CAPN2: variants seen among roughly 807,000 people sequenced by gnomAD.
CAPN2 encodes the protein calpain-2 catalytic subunit.
Under a neutral mutation model 102.3 loss-of-function variants are expected in CAPN2, and 92 were observed. The observed-to-expected ratio is 0.90, with a 90% confidence interval of 0.76 to 1.07. CAPN2 has a LOEUF of 1.07. CAPN2 is among the 50% of genes least tolerant of loss of function. The pLI is 0.00. For synonymous variants in CAPN2, 340 were observed against 355.4 expected (o/e 0.96, Z 0.49); for missense variants, 800 against 909.4 (o/e 0.88, Z 1.55).
intron 8 of CAPN2, 116 bp downstream of exon 8, chr1:223,752,187 C>A: frequency 1.5e-6 from 1 of 687,136 alleles, no homozygotes; most frequent in Non-Finnish European, 2.5e-6. Context: ...AGGACACAAG[C>A]GTGTGGGATC....
At chr1:223,705,388 G>A (rs760995635) in intron 1 of CAPN2, among the ~76,000 whole-genome samples, 5 of 152,196 alleles carry the variant, frequency 3.3e-5, no homozygotes, top group Non-Finnish European at 7.3e-5. Context: ...CTACATCCTC[G>A]GAAGACTGAG....
At chr1:223,705,699 A>T (rs891100852) in intron 1 of CAPN2, among the ~76,000 whole-genome samples, 1 of 152,174 alleles carries the variant, frequency 6.6e-6, no homozygotes, top group Non-Finnish European at 1.5e-5. Context: ...TGGAGTGGAG[A>T]AAAGCATGCT....
chr1:223,717,307 A>G (rs1659903533), intron 1 of CAPN2, among the ~76,000 whole-genome samples: 3 of 152,202 alleles, frequency 2.0e-5, no homozygotes, highest in Non-Finnish European at 2.9e-5. Flanking sequence ...GCCTCAAGGT[A>G]TGATGCAATA....
rs1007347278 is a variant in CAPN2 at position 223,726,574 on chromosome 1, T to C, written c.307+8743T>C. On this transcript the variant is annotated intron_variant, in intron 2 of 20. Coordinates refer to ENST00000295006, the MANE Select transcript of CAPN2 (RefSeq NM_001748.5). The surrounding 1 kb of genome is among the most constrained non-coding windows in gnomAD (Gnocchi z 4.4). ...CCCCAGCACCCTCGCCTCCCTCCCA[T>C]CCTCCCTTTTAGGGCCTCCCTTCTG... is the stretch of plus-strand genomic sequence containing the variant. Among the ~76,000 whole-genome samples, 1 of 151,958 alleles carries C rather than the reference T, an allele frequency of 6.6e-6. No individual in the cohort carries two copies. Among genetic ancestry groups the C allele is most frequent in the African/African-American group, 2.4e-5 (1 of 41,374 alleles).
At chr1:223,746,053 C>CA (rs1343518466) in intron 4 of CAPN2, among the ~76,000 whole-genome samples, 1 of 152,216 alleles carries the variant, frequency 6.6e-6, no homozygotes, top group Non-Finnish European at 1.5e-5. Context: ...AAGCCCCACA[C>CA]CAGCCCCTCT....
chr1:223,735,650 G>A (rs532188954), intron 2 of CAPN2, among the ~76,000 whole-genome samples: 243 of 152,120 alleles, frequency 1.6e-3, no homozygotes, highest in African/African-American at 5.6e-3. Context: ...TTTCTGGTTT[G>A]AGAACCACCT....
chr1:223,730,948 A>G (rs950021696), intron 2 of CAPN2, among the ~76,000 whole-genome samples: 3 of 152,214 alleles, frequency 2.0e-5, no homozygotes, highest in African/African-American at 7.2e-5. Flanking sequence ...CTTGTATCTA[A>G]TCCACTTTGG....
At position 223,762,190 on chromosome 1, in the gene CAPN2, A is replaced by G; in HGVS notation, c.1571A>G (p.Asp524Gly). 1 of 1,613,628 alleles carries G rather than the reference A, an allele frequency of 6.2e-7. No individual in the cohort carries two copies. The change falls in exon 14 of 21, where the codon GAC becomes GGC. Residue 524 changes from aspartate (D) to glycine (G), a missense_variant. Transcript: ENST00000295006. ...DEIEANLEEF[D>G]ISEDDIDDGF... is the part of the protein sequence containing the mutation. ...TGTCTCTGCCTCACCTTCCAGTTCG[A>G]CATCAGCGAGGATGACATTGATGAT...
intron 18 of CAPN2, 167 bp downstream of exon 18, chr1:223,770,692 T>C: frequency 1.9e-6 from 1 of 518,294 alleles, no homozygotes. Context: ...GACTAATTGG[T>C]AAAATTAAAT....
In CAPN2 at chr1:223,743,962, TG is replaced by T. The variant is rs1438766922; in HGVS notation, c.308-133del. The T allele has an allele frequency of 4.4e-6, 3 of 682,914 alleles. No individual in the cohort carries two copies. The East Asian group carries it at 7.4e-5, about 17-fold the overall frequency. The allele number at this position is 682,914 out of a possible 1,614,324, so 42.3% of individuals were successfully genotyped here. A position where few individuals can be genotyped will look rare whatever the true frequency, so the allele number is the denominator to read the frequency against. On this transcript the variant is annotated intron_variant, in intron 2 of 20. Coordinates refer to ENST00000295006, the MANE Select transcript of CAPN2 (RefSeq NM_001748.5). Reference sequence around the variant, plus strand: ...CAAACCCTCTGACCCAACCCTCATATGGGGGACTGCCTGAAACTTCACTCTG... The same window carrying T: ...CAAACCCTCTGACCCAACCCTCATATGGGGACTGCCTGAAACTTCACTCTG...
intron 3 of CAPN2, 41 bp downstream of exon 3, chr1:223,744,259 AG>A (rs1167009921): frequency 1.6e-6 from 2 of 1,278,002 alleles, no homozygotes; most frequent in East Asian, 2.3e-5. Flanking sequence ...CAACAGGTCC[AG>A]GGGGCTAGGA....
chr1:223,751,498 TG>T (rs1018061413), intron 7 of CAPN2, among the ~76,000 whole-genome samples: 11 of 152,184 alleles, frequency 7.2e-5, no homozygotes, highest in African/African-American at 2.7e-4. Flanking sequence ...TACAGAGGCC[TG>T]TGTGTAATTC....
intron 2 of CAPN2, among the ~76,000 whole-genome samples, chr1:223,721,715 A>G (rs1660055618): frequency 6.6e-6 from 1 of 152,184 alleles, no homozygotes; most frequent in Non-Finnish European, 1.5e-5. Context: ...GGACAAGACC[A>G]ATGGGAAAGG....
At position 223,725,312 on chromosome 1, in the gene CAPN2, G is replaced by T. The variant is rs139447770; in HGVS notation, c.307+7481G>T. ...GCAGGAGAATCGCTTGAACCTGAGA[G>T]GTGGAGGTTGCAGTGAGCCATGATC... On this transcript the variant is annotated intron_variant, in intron 2 of 20. Coordinates refer to ENST00000295006, the MANE Select transcript of CAPN2 (RefSeq NM_001748.5). This position sits in a 1 kb window ranked among gnomAD's most constrained non-coding sequence, Gnocchi z 4.1. Among the ~76,000 whole-genome samples the T allele has an allele frequency of 7.7e-3, 1,178 of 152,174 alleles. 19 individuals are homozygous for T. Among genetic ancestry groups the T allele is most frequent in the African/African-American group, 0.027 (1,119 of 41,488 alleles).
At chr1:223,772,902 T>G (rs1661520496) in intron 20 of CAPN2, 1 of 152,222 alleles carries the variant, frequency 6.6e-6, no homozygotes, top group African/African-American at 2.4e-5. Context: ...TGGGGTATAC[T>G]TCCATTATCA....
At position 223,766,367 on chromosome 1, in the gene CAPN2, G is replaced by T. The variant is rs1230977206; in HGVS notation, c.1691G>T (p.Arg564Leu). 1 of 1,612,894 alleles carries T rather than the reference G, an allele frequency of 6.2e-7. No individual in the cohort carries two copies. Among genetic ancestry groups the T allele is most frequent in the Non-Finnish European group, 8.5e-7 (1 of 1,179,034 alleles). Reference sequence around the variant, plus strand: ...CTGTCACACTGATTTTGTCTTTTAGGCCAAGATATCAAGTCAGATGGCTTC... The same window carrying T: ...CTGTCACACTGATTTTGTCTTTTAGTCCAAGATATCAAGTCAGATGGCTTC... Reference protein sequence around the residue: ...QTILRRVLAKRQDIKSDGFSI... With the variant: ...QTILRRVLAKLQDIKSDGFSI... Residue 564 changes from arginine (R) to leucine (L), a missense_variant and splice_region_variant, in exon 16 of 21, where the codon CGC (arginine) becomes CTC (leucine). Arg to Leu is a moderately radical substitution (Grantham distance 102, BLOSUM62 -2). Coordinates refer to ENST00000295006, the MANE Select transcript of CAPN2 (RefSeq NM_001748.5).
chr1:223,762,691 T>C (rs1205404586), intron 14 of CAPN2, among the ~76,000 whole-genome samples: 2 of 152,152 alleles, frequency 1.3e-5, no homozygotes, highest in Non-Finnish European at 2.9e-5. Flanking sequence ...TTTCTTTTTT[T>C]CTTTTTAGAG....
At chr1:223,739,702 A>C (rs1005030933) in intron 2 of CAPN2, among the ~76,000 whole-genome samples, 6 of 152,202 alleles carry the variant, frequency 3.9e-5, no homozygotes, top group Non-Finnish European at 8.8e-5. Context: ...AATGAGCACA[A>C]GGAAAATACT....
chr1:223,737,713 G>C (rs112199719), intron 2 of CAPN2, among the ~76,000 whole-genome samples: 2 of 38,232 alleles, frequency 5.2e-5, no homozygotes, highest in African/African-American at 1.8e-4. Context: ...GGGGCGGGGG[G>C]TGGGGGGGAG....
Sources: allele counts gnomAD v4.1 joint callset (sites outside exome capture counted in the v4.1 genomes callset), GRCh38; gene constraint gnomAD v4.1.1; non-coding constraint Gnocchi (gnomAD v3.1); transcripts MANE v1.5; gene names NCBI Gene and HGNC (gene_info 2026-07-23, HGNC 2026-07-21).